Variants in ANKRD30B observed in about 807,000 individuals in gnomAD.
The protein encoded by ANKRD30B is ankyrin repeat domain-containing protein 30B.
ANKRD30B carries 144 observed loss-of-function variants against 202.2 expected under a neutral mutation model. That is an observed-to-expected ratio of 0.71 (90% CI 0.62 to 0.82). The LOEUF (loss-of-function observed/expected upper bound fraction) is 0.82. Among genes scored for constraint, ANKRD30B ranks in the 40% least tolerant of loss-of-function variants. The pLI, the probability that ANKRD30B is intolerant of heterozygous loss-of-function variation, is 0.00. For missense variants in ANKRD30B, 1,487 were observed against 1,669.1 expected, an observed-to-expected ratio of 0.89 and a Z score of 1.90; for synonymous variants, 508 against 561.3, an observed-to-expected ratio of 0.91 and a Z score of 1.34.
At chr18:14,789,708 C>T (rs1489617752) in intron 15 of ANKRD30B, among the ~76,000 whole-genome samples, 53 of 152,112 alleles carry the variant, frequency 3.5e-4, no homozygotes, top group Admixed American at 6.5e-4. Context: ...TCTAGATATG[C>T]ACCATTATTT....
At chr18:14,839,489 A>G (rs561086494) in intron 36 of ANKRD30B, among the ~76,000 whole-genome samples, 1 of 152,316 alleles carries the variant, frequency 6.6e-6, no homozygotes, top group South Asian at 2.1e-4. Context: ...GTAACCACCA[A>G]TGTCATCGTC....
chr18:14,826,691 T>A (rs62086447), intron 32 of ANKRD30B, among the ~76,000 whole-genome samples: 934 of 83,780 alleles, frequency 0.011, 9 homozygotes, highest in Middle Eastern at 0.014. Context: ...TCTCTCTCTC[T>A]CTCACACACA....
chr18:14,836,171 C>G (rs1478430115), intron 34 of ANKRD30B, among the ~76,000 whole-genome samples: 1 of 152,040 alleles, frequency 6.6e-6, no homozygotes, highest in Non-Finnish European at 1.5e-5. Context: ...TGTAGGTCAT[C>G]TACTCATACT....
chr18:14,756,222 A>T (rs1426562614), intron 4 of ANKRD30B, among the ~76,000 whole-genome samples: 1 of 152,134 alleles, frequency 6.6e-6, no homozygotes, highest in Non-Finnish European at 1.5e-5. Context: ...GTGTCTGTTC[A>T]TACCCTTTGC....
chr18:14,935,185 C>T, the ANKRD30B span, among the ~76,000 whole-genome samples: 4 of 152,134 alleles, frequency 2.6e-5, no homozygotes, highest in African/African-American at 7.2e-5. Flanking sequence ...AGGGGTACCT[C>T]GAGGAGGCAT....
chr18:14,850,215 T>C lies in ANKRD30B; in HGVS notation c.3397T>C (p.Leu1133=), dbSNP rs1431534099. Residue 1133 remains leucine, a splice_region_variant and synonymous_variant, in exon 41 of 44, where the codon TTG becomes CTG. Coordinates refer to ENST00000690538, the MANE Select transcript of ANKRD30B (RefSeq NM_001367607.2). The stretch of plus-strand genomic sequence containing the variant: ...TAAGATAAGTATGTTTAATGGCAGA[T>C]TGACTTTAAATCAAGAAGAAGAGAA... ...KWEQELCSVR[L]TLNQEEEKRR... 2.6e-6 allele frequency: 4 copies of C among 1,533,802 alleles called. No homozygotes were observed. In the East Asian group the frequency reaches 6.9e-5, roughly 27 times the overall value.
At chr18:14,885,523 T>C in the ANKRD30B span, among the ~76,000 whole-genome samples, 2 of 152,050 alleles carry the variant, frequency 1.3e-5, no homozygotes, top group African/African-American at 2.4e-5. Flanking sequence ...TCTAACTTCA[T>C]ATTTTATACC....
the ANKRD30B span, among the ~76,000 whole-genome samples, chr18:14,926,694 G>A: frequency 6.6e-6 from 1 of 152,160 alleles, no homozygotes; most frequent in Admixed American, 6.5e-5. Flanking sequence ...GGAGGCCATG[G>A]TGGGAGGATC....
chr18:14,865,302 CA>C, the ANKRD30B span, among the ~76,000 whole-genome samples: 1 of 151,620 alleles, frequency 6.6e-6, no homozygotes, highest in African/African-American at 2.4e-5. Context: ...TGTCTTTTCA[CA>C]AAACCTTCTC....
At chr18:14,896,257 G>T in the ANKRD30B span, among the ~76,000 whole-genome samples, 5 of 151,694 alleles carry the variant, frequency 3.3e-5, no homozygotes, top group African/African-American at 1.2e-4. Context: ...TCAGCCTCCC[G>T]AATAGCTGGG....
the ANKRD30B span, among the ~76,000 whole-genome samples, chr18:14,874,010 T>C: frequency 5.0e-4 from 76 of 152,292 alleles, no homozygotes; most frequent in Non-Finnish European, 9.1e-4. Flanking sequence ...CCTGGTGCCA[T>C]TGATTTCCAT....
intron 39 of ANKRD30B, among the ~76,000 whole-genome samples, chr18:14,844,163 T>C (rs1045774743): frequency 2.0e-5 from 3 of 152,224 alleles, no homozygotes; most frequent in African/African-American, 7.2e-5. Flanking sequence ...AGAATTCCAT[T>C]ATATAACTGC....
intron 7 of ANKRD30B, among the ~76,000 whole-genome samples, chr18:14,765,336 G>A (rs1020133753): frequency 2.0e-5 from 3 of 151,946 alleles, no homozygotes; most frequent in African/African-American, 7.3e-5. Flanking sequence ...GGTGGCACGT[G>A]CCTGTAATCC....
intron 4 of ANKRD30B, among the ~76,000 whole-genome samples, chr18:14,756,784 C>G (rs1272009549): frequency 6.6e-6 from 1 of 152,012 alleles, no homozygotes; most frequent in Non-Finnish European, 1.5e-5. Context: ...CCCAGCTACT[C>G]AGGGGACTGA....
the ANKRD30B span, among the ~76,000 whole-genome samples, chr18:14,910,791 T>C: frequency 1.3e-5 from 2 of 152,164 alleles, no homozygotes. Context: ...CAACATCTAT[T>C]GTTTTTAGGC....
At position 14,791,325 on chromosome 18, in the gene ANKRD30B, C is replaced by A; in HGVS notation, c.1735-76C>A. On this transcript the variant is annotated intron_variant, in intron 15 of 43. Transcript: ENST00000690538. ...GGAAATTGTGTTTTTAAAAAAGATTCTAGTTAGAAAATTTTGATACTCTTC... is the reference window on the plus strand; with the variant it reads ...GGAAATTGTGTTTTTAAAAAAGATTATAGTTAGAAAATTTTGATACTCTTC... The A allele has an allele frequency of 9.7e-6, 12 of 1,240,364 alleles. 1 individual carries two copies. In the South Asian group the frequency reaches 1.6e-4, roughly 17 times the overall value. The allele number at this position is 1,240,364 out of a possible 1,614,324, so 76.8% of individuals were successfully genotyped here.
At position 14,778,090 on chromosome 18, in the gene ANKRD30B, T is replaced by C. The variant is rs1239643281; in HGVS notation, c.1420+15T>C. 2.7e-6 allele frequency: 4 copies of C among 1,489,374 alleles called. No individual in the cohort carries two copies. The African/African-American group carries it at 5.6e-5, about 21-fold the overall frequency. The allele number at this position is 1,489,374 out of a possible 1,614,324, so 92.3% of individuals were successfully genotyped here. On this transcript the variant is annotated intron_variant, in intron 10 of 43. Coordinates refer to ENST00000690538, the MANE Select transcript of ANKRD30B (RefSeq NM_001367607.2). ...CAAAATAGAAGGTAAGAACCATTTT[T>C]TATTTAAAACATCTTTTGACCAAAT...
chr18:14,795,282 G>C (rs1417786541), intron 16 of ANKRD30B, among the ~76,000 whole-genome samples: 9 of 152,160 alleles, frequency 5.9e-5, no homozygotes, highest in South Asian at 2.1e-4. Context: ...CTGCCACCTG[G>C]GCCTCCTGGG....
Position 14,766,416 on chromosome 18 carries a change from T to G in ANKRD30B, c.1225+2326T>G, listed in dbSNP as rs1916162990. ...TGAACCCAGGAGGTGGAGGTTGCAG[T>G]GAGCCGAGATCTCACCACTGCACTC... On this transcript the variant is annotated intron_variant, in intron 7 of 43. Transcript: ENST00000690538. Among the ~76,000 whole-genome samples, 2 of 125,566 alleles carry G rather than the reference T, an allele frequency of 1.6e-5. 1 individual carries two copies. Among genetic ancestry groups the G allele is most frequent in the East Asian group, 4.9e-4 (2 of 4,114 alleles). The allele number at this position is 125,566 out of a possible 152,430, so 82.4% of individuals were successfully genotyped here.
Sources: gnomAD v4.1 joint callset for allele counts (sites outside exome capture counted in the v4.1 genomes callset) on GRCh38, gnomAD v4.1.1 for gene constraint, MANE v1.5 for transcripts, NCBI Gene and HGNC (gene_info 2026-07-23, HGNC 2026-07-21) for gene names.